Variants in CACNA2D3 observed in about 807,000 individuals in gnomAD.
CACNA2D3 encodes the protein voltage-dependent calcium channel subunit alpha-2/delta-3.
A neutral mutation model predicts 160.6 loss-of-function variants in CACNA2D3; 60 were observed. The observed-to-expected ratio is 0.37, with a 90% CI of 0.30 to 0.46. The LOEUF (loss-of-function observed/expected upper bound fraction) is 0.46, where lower values mean the gene tolerates loss of function less well. CACNA2D3 is among the 20% of genes least tolerant of loss of function. The probability of loss-of-function intolerance (pLI) is 1.00; values close to 1 mark genes in which losing one functional copy is unlikely to be tolerated. For synonymous variants in CACNA2D3, 558 were observed against 492.9 expected (o/e 1.13, Z -1.75); for missense variants, 1,205 against 1,365.0 (o/e 0.88, Z 1.85).
chr3:54,626,173 G>A lies in CACNA2D3; in HGVS notation c.964-1614G>A, dbSNP rs1304034208. On this transcript the variant is annotated intron_variant, in intron 9 of 37. Coordinates refer to ENST00000474759, the MANE Select transcript of CACNA2D3 (RefSeq NM_018398.3). ...GCAAGGGGAGTCTCACGATAACTGC[G>A]CAGGCGCGGACCAGAGAGCTCTTTT... is the stretch of plus-strand genomic sequence containing the variant. The A allele has an allele frequency of 1.1e-5, 8 of 704,100 alleles. No individual in the cohort carries two copies. In the East Asian group the frequency reaches 1.9e-4, roughly 16 times the overall value. The allele number at this position is 704,100 out of a possible 1,614,324, so 43.6% of individuals were successfully genotyped here. A position where few individuals can be genotyped will look rare whatever the true frequency, so the allele number is the denominator to read the frequency against.
chr3:55,071,330 T>C (rs1045551218), intron 35 of CACNA2D3, among the ~76,000 whole-genome samples: 69 of 152,302 alleles, frequency 4.5e-4, no homozygotes, highest in African/African-American at 1.5e-3. Flanking sequence ...CTCACAGTTA[T>C]TGTGATTGGT....
intron 35 of CACNA2D3, among the ~76,000 whole-genome samples, chr3:55,038,881 T>TAC (rs1185616040): frequency 8.4e-6 from 1 of 119,384 alleles, no homozygotes; most frequent in African/African-American, 5.4e-5. Flanking sequence ...TATATATATA[T>TAC]ATATATATAT....
intron 4 of CACNA2D3, among the ~76,000 whole-genome samples, chr3:54,450,305 A>G (rs909539877): frequency 6.6e-6 from 1 of 152,196 alleles, no homozygotes; most frequent in Non-Finnish European, 1.5e-5. Context: ...CCTACAACAT[A>G]TTGCCTTTTG....
intron 4 of CACNA2D3, among the ~76,000 whole-genome samples, chr3:54,459,016 T>C (rs959042788): frequency 3.3e-5 from 5 of 152,088 alleles, no homozygotes; most frequent in Admixed American, 6.6e-5. Context: ...AGTGAGAACA[T>C]GCGGTGTTTG....
chr3:54,835,402 C>T (rs986070664), intron 14 of CACNA2D3, among the ~76,000 whole-genome samples: 8 of 152,150 alleles, frequency 5.3e-5, no homozygotes, highest in Non-Finnish European at 5.9e-5. Flanking sequence ...CTGAGACTAA[C>T]AAGCACTTAG....
chr3:54,435,709 C>T (rs1272812268), intron 4 of CACNA2D3, among the ~76,000 whole-genome samples: 1 of 152,084 alleles, frequency 6.6e-6, no homozygotes, highest in Non-Finnish European at 1.5e-5. Flanking sequence ...ACCAAGAATC[C>T]AGAGAAATCA....
chr3:54,836,986 C>T (rs1052689073), intron 14 of CACNA2D3, among the ~76,000 whole-genome samples, 173 bp from the exon 15 acceptor site: 2 of 152,192 alleles, frequency 1.3e-5, no homozygotes, highest in African/African-American at 4.8e-5. Context: ...CTGGGACTGT[C>T]CTCTGCAAAT....
At chr3:54,696,151 TTAG>T in intron 11 of CACNA2D3, among the ~76,000 whole-genome samples, 1 of 152,308 alleles carries the variant, frequency 6.6e-6, no homozygotes, top group Admixed American at 6.5e-5. Context: ...AAAAATCTTC[TTAG>T]TAGTTTCCAT....
chr3:54,660,977 G>T (rs1699959503), intron 11 of CACNA2D3, among the ~76,000 whole-genome samples: 1 of 152,190 alleles, frequency 6.6e-6, no homozygotes, highest in Non-Finnish European at 1.5e-5. Context: ...AGGCTTGTAA[G>T]AGCTGCATGT....
At chr3:54,752,187 G>A (rs1019962826) in intron 11 of CACNA2D3, among the ~76,000 whole-genome samples, 5 of 152,152 alleles carry the variant, frequency 3.3e-5, no homozygotes, top group Non-Finnish European at 5.9e-5. Flanking sequence ...GGGAAATGTC[G>A]AGGGTCTTTC....
chr3:54,479,556 A>G (rs1700899099), intron 4 of CACNA2D3, among the ~76,000 whole-genome samples: 2 of 152,124 alleles, frequency 1.3e-5, no homozygotes, highest in South Asian at 4.1e-4. Flanking sequence ...TATTTTCCTT[A>G]TTTTAAATTG....
At chr3:54,543,115 T>C (rs561581043) in intron 5 of CACNA2D3, among the ~76,000 whole-genome samples, 4 of 152,322 alleles carry the variant, frequency 2.6e-5, no homozygotes, top group Non-Finnish European at 4.4e-5. Context: ...TCAAATACTC[T>C]AGGTACTAAA....
At chr3:54,924,930 T>G (rs950857695) in intron 27 of CACNA2D3, 39 of 1,612,474 alleles carry the variant, frequency 2.4e-5, no homozygotes, top group Non-Finnish European at 3.1e-5. Context: ...CTGCAAGTGC[T>G]GAAGCCCATG....
intron 9 of CACNA2D3, among the ~76,000 whole-genome samples, chr3:54,603,200 C>T (rs1027142677): frequency 1.3e-5 from 2 of 152,192 alleles, no homozygotes; most frequent in African/African-American, 2.4e-5. Flanking sequence ...CCGTGCAGCC[C>T]GCCCGGCAGG....
At chr3:55,057,144 ATG>A (rs1704383075) in intron 35 of CACNA2D3, among the ~76,000 whole-genome samples, 1 of 152,142 alleles carries the variant, frequency 6.6e-6, no homozygotes, top group African/African-American at 2.4e-5. Flanking sequence ...AATAGCCACT[ATG>A]TAAGACGTCC....
At chr3:54,983,071 C>G (rs543717893) in intron 29 of CACNA2D3, among the ~76,000 whole-genome samples, 1 of 152,282 alleles carries the variant, frequency 6.6e-6, no homozygotes, top group African/African-American at 2.4e-5. Context: ...TGCTCTGGTT[C>G]AAATGCTTCT....
At chr3:55,073,365 C>T (rs189565824) in intron 35 of CACNA2D3, 80 bp from the exon 36 acceptor site, 30 of 1,012,822 alleles carry the variant, frequency 3.0e-5, no homozygotes, top group Middle Eastern at 2.4e-4. Flanking sequence ...TAGTTGCTAC[C>T]ACCCAGGAGA....
chr3:54,897,617 G>A (rs1700221824), intron 26 of CACNA2D3, among the ~76,000 whole-genome samples: 1 of 152,102 alleles, frequency 6.6e-6, no homozygotes, highest in East Asian at 1.9e-4. Context: ...GGTTGCTCTG[G>A]AAAGTTCAAT....
chr3:54,930,953 G>T lies in CACNA2D3; in HGVS notation c.2449+31085G>T, dbSNP rs542996526. On this transcript the variant is annotated intron_variant, in intron 27 of 37. Transcript: ENST00000474759. ...CTCTACTAAAATACAAAAATTAGCT[G>T]GGCGTGATGGTGGCCTTCTGTAATC... Among the ~76,000 whole-genome samples, 6 of 152,282 alleles carry T rather than the reference G, an allele frequency of 3.9e-5. No homozygotes were observed. The East Asian group carries it at 1.2e-3, about 29-fold the overall frequency.
Sources: gnomAD v4.1 joint callset for allele counts (sites outside exome capture counted in the v4.1 genomes callset) on GRCh38, gnomAD v4.1.1 for gene constraint, MANE v1.5 for transcripts, NCBI Gene and HGNC (gene_info 2026-07-23, HGNC 2026-07-21) for gene names.